Variants in MMP28 observed in about 807,000 individuals in gnomAD.
The protein encoded by MMP28 is matrix metallopeptidase 28.
Under a neutral mutation model 60.5 loss-of-function variants are expected in MMP28, and 55 were observed. That is an observed-to-expected ratio of 0.91 (90% confidence interval 0.73 to 1.14). The LOEUF is 1.14. MMP28 is among the 50% of genes most tolerant of loss of function. MMP28 has a pLI of 0.00. For missense variants in MMP28, 686 were observed against 738.3 expected (o/e 0.93, Z 0.82); for synonymous variants, 318 against 312.5 (o/e 1.02, Z -0.18).
intron 1 of MMP28, 88 bp downstream of exon 1, chr17:35,795,179 T>C: frequency 1.2e-6 from 1 of 827,876 alleles, no homozygotes; most frequent in South Asian, 2.8e-5. Flanking sequence ...GATTGTCTGC[T>C]CACAGGGGAC....
chr17:35,767,031 T>C (rs1555603771), intron 7 of MMP28, 137 bp from the exon 8 acceptor site: 3 of 824,816 alleles, frequency 3.6e-6, no homozygotes, highest in South Asian at 2.9e-5. Context: ...ATCAAACGGA[T>C]TGCACTACAA....
intron 1 of MMP28, among the ~76,000 whole-genome samples, chr17:35,780,003 A>C (rs2086451978): frequency 6.6e-6 from 1 of 152,124 alleles, no homozygotes; most frequent in Non-Finnish European, 1.5e-5. Flanking sequence ...GAATTGTCTA[A>C]TTCTGGATTT....
rs556184823 is a variant in MMP28 at position 35,795,469 on chromosome 17, C to A, written c.-92G>T. Reference sequence around the variant, plus strand: ...CGCGCCCGGGACCCCGGGGATGGGACTGCTCTGCGCCGCCCCCGCACGGAG... The same window carrying A: ...CGCGCCCGGGACCCCGGGGATGGGAATGCTCTGCGCCGCCCCCGCACGGAG... On this transcript the variant is annotated 5_prime_UTR_variant, in exon 1 of 8. Transcript: ENST00000605424. 514 of 894,098 alleles carry A rather than the reference C, an allele frequency of 5.7e-4. 10 individuals are homozygous for A. The South Asian group carries it at 9.3e-3, about 16-fold the overall frequency. 55.4% of individuals were successfully genotyped at this position (894,098 alleles called of 1,614,324 possible).
At chr17:35,795,228 A>G (rs1173804920) in intron 1 of MMP28, 39 bp downstream of exon 1, 6 of 1,330,128 alleles carry the variant, frequency 4.5e-6, no homozygotes, top group Non-Finnish European at 5.8e-6. Flanking sequence ...ACAGGTCTCA[A>G]GCACACGCAC....
At chr17:35,771,631 T>A (rs1219672094) in intron 4 of MMP28, among the ~76,000 whole-genome samples, 1 of 142,604 alleles carries the variant, frequency 7.0e-6, no homozygotes, top group Non-Finnish European at 1.5e-5. Flanking sequence ...ATAAAAAGTA[T>A]AATTTTTATT....
intron 2 of MMP28, among the ~76,000 whole-genome samples, chr17:35,758,622 G>A (rs1005024151): frequency 6.6e-6 from 1 of 152,102 alleles, no homozygotes; most frequent in Admixed American, 6.5e-5. Context: ...AATCCGGGGG[G>A]CAGAGGTTGC....
At position 35,782,130 on chromosome 17, in the gene MMP28, C is replaced by A. The variant is rs548555527; in HGVS notation, c.112-2807G>T. ...ACAGTGGCGTGATCTTGGCTCACTGCAAGCTTCATCTCCTGGGTTCATGCC... is the reference window on the plus strand; with the variant it reads ...ACAGTGGCGTGATCTTGGCTCACTGAAAGCTTCATCTCCTGGGTTCATGCC... On this transcript the variant is annotated intron_variant, in intron 1 of 7. Coordinates refer to ENST00000605424, the MANE Select transcript of MMP28 (RefSeq NM_024302.5). Among the ~76,000 whole-genome samples the A allele has an allele frequency of 6.0e-5, 9 of 150,858 alleles. No homozygotes were observed. The East Asian group carries it at 1.8e-3, about 29-fold the overall frequency.
At chr17:35,772,798 G>A (rs1021123630) in intron 4 of MMP28, among the ~76,000 whole-genome samples, 1 of 152,140 alleles carries the variant, frequency 6.6e-6, no homozygotes, top group Non-Finnish European at 1.5e-5. Context: ...TGGGGGTGGG[G>A]GAGCAGTGGT....
intron 1 of MMP28, among the ~76,000 whole-genome samples, chr17:35,794,823 C>T: frequency 6.6e-6 from 1 of 152,170 alleles, no homozygotes; most frequent in East Asian, 1.9e-4. Context: ...AGCAGGTCAG[C>T]GGCGGTCCCC....
chr17:35,785,752 A>G (rs1052701011), intron 1 of MMP28, among the ~76,000 whole-genome samples: 2 of 151,798 alleles, frequency 1.3e-5, no homozygotes, highest in Non-Finnish European at 2.9e-5. Flanking sequence ...CAGCCAGGAG[A>G]TTAGATTATT....
chr17:35,795,120 C>T (rs1209627610), intron 1 of MMP28, 147 bp downstream of exon 1: 1 of 510,700 alleles, frequency 2.0e-6, no homozygotes, highest in Middle Eastern at 2.9e-4. Context: ...CTGCCCGGCT[C>T]TTTATGTTCA....
intron 4 of MMP28, among the ~76,000 whole-genome samples, chr17:35,771,756 A>T (rs868349073): frequency 0.013 from 1,028 of 80,752 alleles, 18 homozygotes; most frequent in Admixed American, 0.03. Context: ...TATATATATA[A>T]AATTGTGTTC....
downstream of MMP28, chr17:35,764,144 G>A (rs760773678): frequency 3.5e-5 from 54 of 1,549,392 alleles, no homozygotes; most frequent in Non-Finnish European, 4.6e-5. Context: ...GACGGAGGGC[G>A]AGGAGCCGCC....
chr17:35,785,063 G>T (rs1555610166), intron 1 of MMP28, among the ~76,000 whole-genome samples: 2 of 152,162 alleles, frequency 1.3e-5, no homozygotes, highest in Admixed American at 1.3e-4. Context: ...ACTTCTGAAA[G>T]TCCCTGGGAG....
intron 1 of MMP28, among the ~76,000 whole-genome samples, chr17:35,785,455 T>C (rs2086619688): frequency 6.6e-6 from 1 of 152,104 alleles, no homozygotes; most frequent in Non-Finnish European, 1.5e-5. Context: ...GGTTGGATTA[T>C]TATTATTATT....
chr17:35,779,044 T>G lies in MMP28; in HGVS notation c.223A>C (p.Ser75Arg). ...AFQWVSQLPVSGVLDRATLRQ... is the reference protein window; with the variant it reads ...AFQWVSQLPVRGVLDRATLRQ... ...AGGGTGGCGCGGTCCAACACGCCGC[T>G]GACAGGTAGCTGGGACACCCACTGA... Residue 75 changes from serine (S) to arginine (R), a missense_variant, in exon 3 of 8, where the codon AGC becomes CGC. Coordinates refer to ENST00000605424, the MANE Select transcript of MMP28 (RefSeq NM_024302.5). 1 of 1,614,036 alleles carries G rather than the reference T, an allele frequency of 6.2e-7. No homozygotes were observed. The highest frequency in any genetic ancestry group is 8.5e-7 in the Non-Finnish European group (1 of 1,179,892).
intron 1 of MMP28, among the ~76,000 whole-genome samples, chr17:35,780,137 C>T (rs889826094): frequency 1.8e-4 from 27 of 152,146 alleles, no homozygotes; most frequent in Middle Eastern, 3.4e-3. Flanking sequence ...GGTACAATCT[C>T]AGCTCACTGC....
intron 1 of MMP28, among the ~76,000 whole-genome samples, chr17:35,785,969 T>C (rs2086635460): frequency 6.6e-6 from 1 of 152,050 alleles, no homozygotes; most frequent in Non-Finnish European, 1.5e-5. Context: ...GTTGCCCCAT[T>C]AACAATGTTA....
In MMP28 at chr17:35,757,151, A is replaced by AAAATAAAT. The variant is rs58444290; in HGVS notation, c.266-740_266-733dup. 797 of 151,402 alleles carry AAAATAAAT rather than the reference A, an allele frequency of 5.3e-3. 5 individuals are homozygous for AAAATAAAT. The highest frequency in any genetic ancestry group is 0.017 in the African/African-American group (714 of 41,166). The allele number at this position is 151,402 out of a possible 1,614,324, so 9.4% of individuals were successfully genotyped here. A position where few individuals can be genotyped will look rare whatever the true frequency, so the allele number is the denominator to read the frequency against. Reference sequence around the variant, plus strand: ...GGGTGACAGAGGGAGACTCTGTCTCAAAATAAATAAATAAATAAATAAATA... The same window carrying AAAATAAAT: ...GGGTGACAGAGGGAGACTCTGTCTCAAAATAAATAAATAAATAAATAAATAAATAAATA... On this transcript the variant is annotated intron_variant, in intron 2 of 2. Transcript: ENST00000615317.
Sources: allele counts gnomAD v4.1 joint callset (sites outside exome capture counted in the v4.1 genomes callset), GRCh38; gene constraint gnomAD v4.1.1; transcripts MANE v1.5; gene names NCBI Gene and HGNC (gene_info 2026-07-23, HGNC 2026-07-21).